The following SH3PXD2A variants were observed in gnomAD, a reference collection of about 807,000 sequenced individuals.
SH3PXD2A encodes the protein SH3 and PX domain-containing protein 2A.
SH3PXD2A carries 32 observed loss-of-function variants against 115.2 expected under a neutral mutation model. The observed-to-expected ratio is 0.28, with a 90% CI of 0.21 to 0.37. The LOEUF (loss-of-function observed/expected upper bound fraction) is 0.37, where lower values mean the gene tolerates loss of function less well. SH3PXD2A is among the 10% of genes least tolerant of loss of function. The pLI is 1.00. For missense variants in SH3PXD2A, 1,328 were observed against 1,498.7 expected (o/e 0.89, Z 1.88); for synonymous variants, 610 against 629.1 (o/e 0.97, Z 0.45).
At chr10:103,626,607 A>T (rs960570670) in intron 9 of SH3PXD2A, among the ~76,000 whole-genome samples, 2 of 135,990 alleles carry the variant, frequency 1.5e-5, no homozygotes, top group Non-Finnish European at 3.3e-5. Context: ...GTTTGGAATT[A>T]AAAAAAAAAA....
chr10:103,605,155 G>T (rs1406487052), intron 14 of SH3PXD2A, among the ~76,000 whole-genome samples: 1 of 152,188 alleles, frequency 6.6e-6, no homozygotes, highest in Non-Finnish European at 1.5e-5. Flanking sequence ...ACCCTGTTTT[G>T]CAGAGAGAAA....
At chr10:103,818,154 G>T (rs527360456) in intron 1 of SH3PXD2A, among the ~76,000 whole-genome samples, 1 of 152,262 alleles carries the variant, frequency 6.6e-6, no homozygotes, top group East Asian at 1.9e-4. Flanking sequence ...TTGTCAGAAA[G>T]AACTCTATTT....
In SH3PXD2A at chr10:103,627,338, T is replaced by C. The variant is rs2036713441; in HGVS notation, c.605-136A>G. On this transcript the variant is annotated intron_variant, in intron 8 of 14. Coordinates refer to ENST00000369774, the MANE Select transcript of SH3PXD2A (RefSeq NM_001394015.1). The surrounding 1 kb of genome is among the most constrained non-coding windows in gnomAD (Gnocchi z 4.4). Reference sequence around the variant, plus strand: ...CCAGATGGCCTGGGGACCCAGCAAATGCCTGGCCCAGCTCCAGCCTCGAGG... The same window carrying C: ...CCAGATGGCCTGGGGACCCAGCAAACGCCTGGCCCAGCTCCAGCCTCGAGG... 1.6e-6 allele frequency: 1 copy of C among 615,664 alleles called. No homozygotes were observed. The highest frequency in any genetic ancestry group is 1.9e-5 in the South Asian group (1 of 52,716). The allele number at this position is 615,664 out of a possible 1,614,324, so 38.1% of individuals were successfully genotyped here.
At chr10:103,729,938 T>G (rs1564874890) in intron 4 of SH3PXD2A, among the ~76,000 whole-genome samples, 1 of 152,188 alleles carries the variant, frequency 6.6e-6, no homozygotes, top group Non-Finnish European at 1.5e-5. Context: ...ATGATGCAGG[T>G]GTAAACAAGG....
chr10:103,660,835 G>A (rs1377251085), intron 8 of SH3PXD2A, 148 bp downstream of exon 8: 12 of 842,494 alleles, frequency 1.4e-5, no homozygotes, highest in South Asian at 6.2e-5. Flanking sequence ...AAACCAACAG[G>A]GGGAAACTTC....
At chr10:103,614,279 G>T (rs960642611) in intron 11 of SH3PXD2A, among the ~76,000 whole-genome samples, 1 of 152,012 alleles carries the variant, frequency 6.6e-6, no homozygotes, top group African/African-American at 2.4e-5. Context: ...GTGATTTGGG[G>T]AAAACTGATG....
chr10:103,829,806 T>C (rs551813120), intron 1 of SH3PXD2A, among the ~76,000 whole-genome samples: 39 of 152,398 alleles, frequency 2.6e-4, no homozygotes, highest in African/African-American at 9.1e-4. Flanking sequence ...CAGTTAGGAC[T>C]AATTATCCAT....
At chr10:103,705,967 C>T (rs182875385) in intron 5 of SH3PXD2A, among the ~76,000 whole-genome samples, 2 of 150,882 alleles carry the variant, frequency 1.3e-5, no homozygotes, top group East Asian at 3.9e-4. Context: ...CCACTGCACT[C>T]CAGCCTGGGT....
At chr10:103,654,573 T>TTTA (rs1034196905) in intron 8 of SH3PXD2A, among the ~76,000 whole-genome samples, 1 of 152,068 alleles carries the variant, frequency 6.6e-6, no homozygotes, top group Non-Finnish European at 1.5e-5. Flanking sequence ...TTCTTTTGTC[T>TTTA]TTATTATTAT....
At chr10:103,723,558 C>A (rs1469186892) in intron 5 of SH3PXD2A, among the ~76,000 whole-genome samples, 2 of 152,164 alleles carry the variant, frequency 1.3e-5, no homozygotes, top group Non-Finnish European at 2.9e-5. Context: ...GAAAAAAGAC[C>A]TGCATGGTTC....
In SH3PXD2A at chr10:103,601,749, C is replaced by T. The variant is rs890425574; in HGVS notation, c.*67G>A. The T allele has an allele frequency of 1.8e-4, 71 of 398,100 alleles. No individual in the cohort carries two copies. The highest frequency in any genetic ancestry group is 2.4e-4 in the Non-Finnish European group (64 of 267,658). 24.7% of individuals were successfully genotyped at this position (398,100 alleles called of 1,614,324 possible). ...CCCATTTTTTCCTTTCCCTTTTGTT[C>T]GTCTCACCGCTCATCCAGTGGGCGG... is the stretch of plus-strand genomic sequence containing the variant. On this transcript the variant is annotated 3_prime_UTR_variant, in exon 15 of 15. Transcript: ENST00000369774.
At chr10:103,817,121 G>A (rs2039332359) in intron 1 of SH3PXD2A, among the ~76,000 whole-genome samples, 1 of 150,724 alleles carries the variant, frequency 6.6e-6, no homozygotes, top group Admixed American at 6.6e-5. Context: ...TCGGATTACA[G>A]GTGTGAGCCA....
rs2036108177 is a variant in SH3PXD2A at position 103,594,577 on chromosome 10, G to A, written c.*7239C>T. 6.6e-6 allele frequency: 1 copy of A among 152,256 alleles called. No homozygotes were observed. The highest frequency in any genetic ancestry group is 1.5e-5 in the Non-Finnish European group (1 of 68,054). The allele number at this position is 152,256 out of a possible 1,614,324, so 9.4% of individuals were successfully genotyped here. A position where few individuals can be genotyped will look rare whatever the true frequency, so the allele number is the denominator to read the frequency against. On this transcript the variant is annotated 3_prime_UTR_variant, in exon 15 of 15. Transcript: ENST00000369774. ...TTACTGAAGTCTGCCTTGCCCGGGAGTCACTTCCTGCAGACCTCTGAGTAC... is the reference window on the plus strand; with the variant it reads ...TTACTGAAGTCTGCCTTGCCCGGGAATCACTTCCTGCAGACCTCTGAGTAC...
intron 1 of SH3PXD2A, among the ~76,000 whole-genome samples, chr10:103,815,048 C>T (rs536220010): frequency 2.6e-5 from 4 of 152,212 alleles, no homozygotes; most frequent in African/African-American, 9.6e-5. Context: ...AGATCACACA[C>T]AAAAATTAAC....
intron 6 of SH3PXD2A, among the ~76,000 whole-genome samples, chr10:103,676,475 A>G (rs1256338185): frequency 6.6e-6 from 1 of 152,148 alleles, no homozygotes; most frequent in African/African-American, 2.4e-5. Context: ...AGCCCAGCCT[A>G]AGTGGGTGTG....
At chr10:103,842,041 C>T (rs1168160209) in intron 1 of SH3PXD2A, among the ~76,000 whole-genome samples, 5 of 149,852 alleles carry the variant, frequency 3.3e-5, no homozygotes, top group Admixed American at 6.8e-5. Flanking sequence ...AGGAGAATGG[C>T]GTGAACCCGG....
chr10:103,678,374 T>C (rs1337435987), intron 6 of SH3PXD2A, among the ~76,000 whole-genome samples: 3 of 152,320 alleles, frequency 2.0e-5, no homozygotes, highest in Non-Finnish European at 4.4e-5. Context: ...GTGACCCAGC[T>C]ATGCCCAGAA....
chr10:103,733,328 C>T (rs1564875833), intron 4 of SH3PXD2A, among the ~76,000 whole-genome samples: 4 of 152,182 alleles, frequency 2.6e-5, no homozygotes, highest in Admixed American at 1.3e-4. Flanking sequence ...TCCGGATGAC[C>T]CAGCAGACAG....
intron 6 of SH3PXD2A, among the ~76,000 whole-genome samples, chr10:103,680,917 C>T (rs911564790): frequency 7.3e-5 from 11 of 151,288 alleles, no homozygotes; most frequent in African/African-American, 2.7e-4. Context: ...GAAAAAGGTG[C>T]TAAAACAATA....
Sources: gnomAD v4.1 joint callset for allele counts (sites outside exome capture counted in the v4.1 genomes callset) on GRCh38, gnomAD v4.1.1 for gene constraint, Gnocchi (gnomAD v3.1) non-coding constraint, MANE v1.5 for transcripts, NCBI Gene and HGNC (gene_info 2026-07-23, HGNC 2026-07-21) for gene names.